The following CHD2 variants were observed in gnomAD, a reference collection of about 807,000 sequenced individuals.
The protein encoded by CHD2 is chromodomain helicase DNA binding protein 2, also known as ATP-dependent chromatin remodeler CHD2.
Under a neutral mutation model 243.9 loss-of-function variants are expected in CHD2, and 28 were observed. That is an observed-to-expected ratio of 0.11 (90% confidence interval 0.09 to 0.16). The LOEUF is 0.16. Ranked by LOEUF, CHD2 falls within the 10% of genes least tolerant of loss-of-function variation. The pLI is 1.00. For synonymous variants in CHD2, 775 were observed against 779.0 expected (o/e 0.99, Z 0.09); for missense variants, 1,386 against 2,209.8 (o/e 0.63, Z 7.47).
At chr15:92,947,841 A>ACCT (rs1298547877) in intron 12 of CHD2, among the ~76,000 whole-genome samples, 3 of 152,162 alleles carry the variant, frequency 2.0e-5, no homozygotes, top group Non-Finnish European at 4.4e-5. Context: ...CACATCAATA[A>ACCT]CCTTATCAAA....
chr15:92,925,762 C>T (rs777446963), intron 3 of CHD2, among the ~76,000 whole-genome samples: 20 of 152,076 alleles, frequency 1.3e-4, no homozygotes, highest in Non-Finnish European at 2.6e-4. Context: ...GACCTTTTGT[C>T]CTTTAACTCC....
intron 28 of CHD2, among the ~76,000 whole-genome samples, chr15:92,996,232 T>C (rs1192075296): frequency 1.3e-5 from 2 of 149,610 alleles, no homozygotes; most frequent in Admixed American, 6.7e-5. Flanking sequence ...TGATCTCGGC[T>C]CACTGCAAGC....
At chr15:92,920,202 C>G (rs570412316) in intron 2 of CHD2, among the ~76,000 whole-genome samples, 38 of 152,146 alleles carry the variant, frequency 2.5e-4, no homozygotes, top group Middle Eastern at 3.4e-3. Context: ...CTAGGAATCA[C>G]TCTCCTACAC....
chr15:92,929,939 C>T (rs2053135034), intron 5 of CHD2, among the ~76,000 whole-genome samples: 1 of 151,898 alleles, frequency 6.6e-6, no homozygotes, highest in African/African-American at 2.4e-5. Flanking sequence ...AAAATAATAC[C>T]ATCTACCCAA....
intron 38 of CHD2, chr15:93,021,336 C>T: frequency 6.6e-6 from 1 of 151,956 alleles, no homozygotes; most frequent in East Asian, 1.9e-4. Context: ...TATGATGTGC[C>T]TTGGTGTATT....
chr15:92,947,368 G>A (rs1263677325), intron 12 of CHD2: 1 of 152,212 alleles, frequency 6.6e-6, no homozygotes, highest in Non-Finnish European at 1.5e-5. Context: ...TTGCCCTCCT[G>A]TGAAAGGTAT....
At position 92,901,249 on chromosome 15, in the gene CHD2, T is replaced by G. The variant is rs750955957; in HGVS notation, c.12T>G (p.Asn4Lys). Residue 4 changes from asparagine to lysine, a missense_variant, in exon 2 of 39, where the codon AAT becomes AAG. Physicochemically the swap from Asn to Lys is moderately conservative, Grantham distance 94. Around this residue, in one of 19 missense-constraint regions of CHD2, gnomAD observed 89 missense variants for 102.4 expected, o/e 0.87. Coordinates refer to ENST00000394196, the MANE Select transcript of CHD2 (RefSeq NM_001271.4). MMR[N>K]KDKSQEEDSS... ...TTAAGAATTAAAAGATGATGAGAAA[T>G]AAGGACAAAAGCCAAGAGGAGGACA... 6.3e-7 allele frequency: 1 copy of G among 1,597,254 alleles called. No homozygotes were observed. The highest frequency in any genetic ancestry group is 1.3e-5 in the African/African-American group (1 of 74,552).
chr15:93,011,582 G>A (rs901538294), intron 35 of CHD2, among the ~76,000 whole-genome samples: 3 of 152,196 alleles, frequency 2.0e-5, no homozygotes, highest in African/African-American at 7.2e-5. Flanking sequence ...GCCTGTACAG[G>A]TGGTCCTGTC....
At chr15:92,971,520 G>A (rs1164639721) in intron 17 of CHD2, among the ~76,000 whole-genome samples, 2 of 152,138 alleles carry the variant, frequency 1.3e-5, no homozygotes, top group Non-Finnish European at 2.9e-5. Flanking sequence ...TTTTCTTCTA[G>A]TATTCCTGTG....
chr15:92,981,012 AAG>A (rs1255093777), intron 23 of CHD2, 101 bp downstream of exon 23: 3 of 805,050 alleles, frequency 3.7e-6, no homozygotes, highest in African/African-American at 3.5e-5. Context: ...TGTAAAGAAA[AAG>A]TAATTACTTG....
chr15:92,959,594 T>A (rs2141820224), intron 16 of CHD2, among the ~76,000 whole-genome samples: 2 of 152,238 alleles, frequency 1.3e-5, no homozygotes, highest in Non-Finnish European at 2.9e-5. Context: ...CGGGCTCAAG[T>A]GATTCTCCTG....
At chr15:92,956,701 A>G (rs180704914) in intron 16 of CHD2, 52 bp downstream of exon 16, 508 of 1,524,826 alleles carry the variant, frequency 3.3e-4, no homozygotes, top group South Asian at 3.0e-4. Flanking sequence ...TGAAATGCCA[A>G]TGCTTTTTAA....
chr15:92,907,590 T>G (rs2052646322), intron 2 of CHD2, among the ~76,000 whole-genome samples: 1 of 152,178 alleles, frequency 6.6e-6, no homozygotes, highest in East Asian at 1.9e-4. Context: ...GTCCTGAAAA[T>G]TTTTGTTCCC....
chr15:92,902,468 A>G (rs1443312479), intron 2 of CHD2: 2 of 292,938 alleles, frequency 6.8e-6, no homozygotes, highest in Non-Finnish European at 1.2e-5. Flanking sequence ...TATAAATAAT[A>G]CACTTTTCTA....
At chr15:92,999,042 CCACTG>C (rs1481516837) in intron 31 of CHD2, among the ~76,000 whole-genome samples, 2 of 128,306 alleles carry the variant, frequency 1.6e-5, no homozygotes, top group Non-Finnish European at 3.1e-5. Flanking sequence ...CGAGTTCGGG[CCACTG>C]CACTCCGGCC....
At chr15:93,014,294 G>GC (rs1202951846) in intron 36 of CHD2, among the ~76,000 whole-genome samples, 2 of 152,108 alleles carry the variant, frequency 1.3e-5, no homozygotes, top group Admixed American at 6.5e-5. Context: ...GATGACTTGG[G>GC]CATAGGAGTT....
At chr15:92,953,263 A>C in intron 13 of CHD2, 94 bp from the exon 14 acceptor site, 1 of 930,364 alleles carries the variant, frequency 1.1e-6, no homozygotes, top group South Asian at 1.5e-5. Context: ...CTTGGCTGTT[A>C]TTGTGAAGCA....
At chr15:92,939,338 G>A (rs1218112198) in intron 6 of CHD2, among the ~76,000 whole-genome samples, 3 of 152,094 alleles carry the variant, frequency 2.0e-5, no homozygotes, top group Non-Finnish European at 2.9e-5. Context: ...AAACATTCAC[G>A]TTCTTTCCCA....
chr15:92,924,641 C>G (rs113145516), intron 3 of CHD2, 89 bp downstream of exon 3: 31 of 1,127,774 alleles, frequency 2.7e-5, no homozygotes, highest in African/African-American at 2.0e-4. Flanking sequence ...ATTAGTATAT[C>G]TTGATGATGA....
Sources: allele counts gnomAD v4.1 joint callset (sites outside exome capture counted in the v4.1 genomes callset), GRCh38; gene constraint gnomAD v4.1.1; regional missense constraint gnomAD v4.1.1; transcripts MANE v1.5; gene names NCBI Gene and HGNC (gene_info 2026-07-23, HGNC 2026-07-21).